TAFA2: variants seen among roughly 807,000 people sequenced by gnomAD.
TAFA2 encodes chemokine-like protein TAFA-2.
Under a neutral mutation model 18.8 loss-of-function variants are expected in TAFA2, and 7 were observed. That is an observed-to-expected ratio of 0.37 (90% CI 0.21 to 0.70). The LOEUF is 0.70. TAFA2 is among the 30% of genes least tolerant of loss of function. TAFA2 has a pLI of 0.53. For missense variants in TAFA2, 122 were observed against 158.1 expected (o/e 0.77, Z 1.23); for synonymous variants, 60 against 54.2 (o/e 1.11, Z -0.47).
chr12:62,179,118 G>A (rs2062534903), intron 1 of TAFA2, among the ~76,000 whole-genome samples: 1 of 152,136 alleles, frequency 6.6e-6, no homozygotes, highest in Non-Finnish European at 1.5e-5. Context: ...ATTCTGGAAT[G>A]TATTTTGTTG....
intron 2 of TAFA2, among the ~76,000 whole-genome samples, chr12:61,755,472 G>A (rs1353460064): frequency 6.6e-6 from 1 of 152,080 alleles, no homozygotes; most frequent in Non-Finnish European, 1.5e-5. Context: ...GAGAGTAAGA[G>A]GACTAGGCAG....
intron 2 of TAFA2, among the ~76,000 whole-genome samples, chr12:61,785,742 T>C (rs1459530215): frequency 2.0e-5 from 3 of 151,496 alleles, no homozygotes; most frequent in African/African-American, 7.3e-5. Context: ...ATTAATGTCT[T>C]ATATATATGA....
In TAFA2 at chr12:62,170,104, T is replaced by TGA. The variant is rs542926013; in HGVS notation, c.-2+21153_-2+21154dup. ...TCTCTTGTTTATCTTGTTGTGCCAGTGATTTGTGGAAGCCAAAAGTGAAAA... is the reference window on the plus strand; with the variant it reads ...TCTCTTGTTTATCTTGTTGTGCCAGTGAGATTTGTGGAAGCCAAAAGTGAAAA... On this transcript the variant is annotated intron_variant, in intron 1 of 4. Transcript: ENST00000416284. Among the ~76,000 whole-genome samples, 18 of 152,278 alleles carry TGA rather than the reference T, an allele frequency of 1.2e-4. No homozygotes were observed. The South Asian group carries it at 3.7e-3, about 32-fold the overall frequency.
At chr12:62,135,251 T>C (rs887979323) in intron 1 of TAFA2, among the ~76,000 whole-genome samples, 5 of 152,018 alleles carry the variant, frequency 3.3e-5, no homozygotes, top group African/African-American at 1.2e-4. Flanking sequence ...CAACATCCTA[T>C]TGCAAGAGAG....
chr12:62,112,531 T>G (rs1869780866), intron 1 of TAFA2, among the ~76,000 whole-genome samples: 1 of 152,102 alleles, frequency 6.6e-6, no homozygotes, highest in Admixed American at 6.5e-5. Flanking sequence ...AATGTTGGCC[T>G]GTCTTTCTAG....
At chr12:61,781,260 AG>A (rs1870490822) in intron 2 of TAFA2, among the ~76,000 whole-genome samples, 1 of 151,656 alleles carries the variant, frequency 6.6e-6, no homozygotes, top group South Asian at 2.1e-4. Flanking sequence ...AATGTGGAGG[AG>A]AATAAAAGGC....
intron 2 of TAFA2, among the ~76,000 whole-genome samples, chr12:61,820,772 AACTC>A (rs1565645483): frequency 1.3e-5 from 2 of 152,108 alleles, no homozygotes; most frequent in East Asian, 3.9e-4. Flanking sequence ...AATACTGTAA[AACTC>A]ACCTGACCTC....
At chr12:62,236,261 C>CT (rs61199215) in intron 1 of TAFA2, among the ~76,000 whole-genome samples, 60 of 113,862 alleles carry the variant, frequency 5.3e-4, no homozygotes, top group Non-Finnish European at 6.7e-4. Context: ...TGTTTTTTTT[C>CT]TTTTTTTTTT....
At chr12:61,953,397 GAT>G (rs1878536805) in intron 1 of TAFA2, among the ~76,000 whole-genome samples, 1 of 152,096 alleles carries the variant, frequency 6.6e-6, no homozygotes, top group Non-Finnish European at 1.5e-5. Context: ...AAGTCAAGAA[GAT>G]AATTGAGGAA....
intron 1 of TAFA2, among the ~76,000 whole-genome samples, chr12:62,005,023 G>A (rs1385329549): frequency 5.9e-5 from 9 of 152,090 alleles, no homozygotes; most frequent in Non-Finnish European, 1.2e-4. Flanking sequence ...CAGGGATGGG[G>A]TGAGGGGGGT....
At chr12:62,229,684 T>C (rs764904740) in intron 1 of TAFA2, among the ~76,000 whole-genome samples, 4 of 152,028 alleles carry the variant, frequency 2.6e-5, no homozygotes, top group African/African-American at 4.8e-5. Context: ...TTTTTTTTAA[T>C]TGTGTCTGTC....
chr12:61,746,531 G>A (rs530865712), intron 4 of TAFA2, among the ~76,000 whole-genome samples: 2 of 152,218 alleles, frequency 1.3e-5, no homozygotes, highest in South Asian at 2.1e-4. Context: ...ACAAAGCCCT[G>A]TTGTGAAAAG....
At position 62,200,339 on chromosome 12, in the gene TAFA2, T is replaced by C. The variant is rs987881730; in HGVS notation, c.-130+58424A>G. On this transcript the variant is annotated intron_variant, in intron 1 of 5. Transcript: ENST00000551619. ...CATGAAATTTTTGCCCGTGCCTATGTACTAAATGGTATTGCCTAGATTTTC... is the reference window on the plus strand; with the variant it reads ...CATGAAATTTTTGCCCGTGCCTATGCACTAAATGGTATTGCCTAGATTTTC... Among the ~76,000 whole-genome samples the C allele has an allele frequency of 5.3e-5, 8 of 152,352 alleles. No homozygotes were observed. In the South Asian group the frequency reaches 1.2e-3, roughly 24 times the overall value.
intron 4 of TAFA2, among the ~76,000 whole-genome samples, chr12:61,741,860 G>C (rs1868468189): frequency 6.6e-6 from 1 of 152,100 alleles, no homozygotes; most frequent in African/African-American, 2.4e-5. Flanking sequence ...GAACAGACAA[G>C]CTTCCTTTAA....
At chr12:61,975,033 T>C (rs936920805) in intron 1 of TAFA2, among the ~76,000 whole-genome samples, 75 of 151,570 alleles carry the variant, frequency 4.9e-4, no homozygotes, top group African/African-American at 1.7e-3. Flanking sequence ...AGATTTTTTT[T>C]TAACTGTATA....
intron 1 of TAFA2, among the ~76,000 whole-genome samples, chr12:61,939,929 C>A (rs545373130): frequency 4.6e-5 from 7 of 152,214 alleles, no homozygotes; most frequent in African/African-American, 1.7e-4. Flanking sequence ...CTGCTTCCAC[C>A]TACAGAGAAA....
chr12:61,742,861 C>A (rs1190326687), intron 4 of TAFA2, among the ~76,000 whole-genome samples: 3 of 152,004 alleles, frequency 2.0e-5, no homozygotes, highest in African/African-American at 7.2e-5. Flanking sequence ...TCCCTCTGCA[C>A]CCACACTACC....
intron 1 of TAFA2, chr12:62,023,680 A>G (rs2136733943): frequency 6.6e-6 from 1 of 151,058 alleles, no homozygotes; most frequent in African/African-American, 2.4e-5. Flanking sequence ...ATCAACACAG[A>G]GAGGGAATGA....
chr12:62,234,364 T>TA (rs1369356355), intron 1 of TAFA2: 1 of 611,088 alleles, frequency 1.6e-6, no homozygotes, highest in African/African-American at 1.8e-5. Context: ...GTTCTCTGCC[T>TA]AGAATCCTCT....
Sources: gnomAD v4.1 joint callset for allele counts (sites outside exome capture counted in the v4.1 genomes callset) on GRCh38, gnomAD v4.1.1 for gene constraint, MANE v1.5 for transcripts, NCBI Gene and HGNC (gene_info 2026-07-23, HGNC 2026-07-21) for gene names.